Variants in MTUS2 observed in about 807,000 individuals in gnomAD.
MTUS2 encodes the protein microtubule associated scaffold protein 2.
MTUS2 carries 40 observed loss-of-function variants against 114.1 expected under a neutral mutation model. The observed-to-expected ratio is 0.35, with a 90% CI of 0.27 to 0.46. The LOEUF is 0.46. Among genes scored for constraint, MTUS2 ranks in the 20% least tolerant of loss-of-function variants. The probability of loss-of-function intolerance (pLI) is 1.00; values close to 1 mark genes in which losing one functional copy is unlikely to be tolerated. For synonymous variants in MTUS2, 688 were observed against 672.0 expected, an observed-to-expected ratio of 1.02 and a Z score of -0.37; for missense variants, 1,679 against 1,705.4, an observed-to-expected ratio of 0.98 and a Z score of 0.27.
chr13:28,825,585 A>C (rs914189897), intron 1 of MTUS2, among the ~76,000 whole-genome samples: 1 of 152,118 alleles, frequency 6.6e-6, no homozygotes, highest in Non-Finnish European at 1.5e-5. Flanking sequence ...ACACACACAC[A>C]CACACCCCTG....
At chr13:29,161,824 T>C (rs990696955) in intron 5 of MTUS2, among the ~76,000 whole-genome samples, 3 of 152,218 alleles carry the variant, frequency 2.0e-5, no homozygotes, top group African/African-American at 7.2e-5. Flanking sequence ...GTTTTCTGTG[T>C]GTGGCCTCCT....
chr13:28,926,877 A>G (rs1022396163), intron 2 of MTUS2, among the ~76,000 whole-genome samples: 1 of 152,214 alleles, frequency 6.6e-6, no homozygotes, highest in African/African-American at 2.4e-5. Context: ...CTGAAATAAT[A>G]ATAGTTAAAA....
At chr13:29,343,273 C>T (rs1313790439) in intron 7 of MTUS2, among the ~76,000 whole-genome samples, 1 of 151,980 alleles carries the variant, frequency 6.6e-6, no homozygotes, top group African/African-American at 2.4e-5. Flanking sequence ...CAACTGGGAA[C>T]TCATCTGGTC....
intron 6 of MTUS2, among the ~76,000 whole-genome samples, chr13:29,300,877 G>A (rs756815870): frequency 6.6e-5 from 10 of 152,008 alleles, no homozygotes; most frequent in East Asian, 5.8e-4. Context: ...AAGACTGAGC[G>A]GCTTATAAAC....
At position 29,281,873 on chromosome 13, in the gene MTUS2, T is replaced by G. The variant is rs1188982861; in HGVS notation, c.2806+8T>G. 6.3e-7 allele frequency: 1 copy of G among 1,577,240 alleles called. No homozygotes were observed. The highest frequency in any genetic ancestry group is 1.4e-5 in the African/African-American group (1 of 73,878). ...CCACTTCCACACCCGCTGGTAAGAC[T>G]TTGTGCCTTGGAGAGGCTCCATGGT... On this transcript the variant is annotated splice_region_variant and intron_variant, in intron 6 of 15. Transcript: ENST00000612955.
intron 5 of MTUS2, among the ~76,000 whole-genome samples, chr13:29,180,981 GA>G (rs960188375): frequency 1.1e-4 from 17 of 151,472 alleles, no homozygotes; most frequent in South Asian, 2.1e-4. Flanking sequence ...AGAATATCCT[GA>G]AAAAAAAATT....
intron 11 of MTUS2, among the ~76,000 whole-genome samples, chr13:29,490,534 TCTC>T (rs1171128608): frequency 3.3e-5 from 5 of 152,248 alleles, no homozygotes; most frequent in Non-Finnish European, 7.3e-5. Flanking sequence ...TTACATGACA[TCTC>T]TTTCTGCCTA....
chr13:28,928,508 A>G (rs746737335), intron 2 of MTUS2, among the ~76,000 whole-genome samples: 8 of 152,238 alleles, frequency 5.3e-5, no homozygotes, highest in African/African-American at 7.2e-5. Context: ...AAAATGCTCA[A>G]CATTACTAAT....
chr13:29,281,655 C>T (rs776534631), intron 5 of MTUS2, 49 bp from the exon 6 acceptor site: 13 of 1,528,170 alleles, frequency 8.5e-6, no homozygotes, highest in Non-Finnish European at 1.2e-5. Flanking sequence ...GTGAGGGCTC[C>T]ATCCATTTTT....
intron 5 of MTUS2, among the ~76,000 whole-genome samples, chr13:29,208,986 C>A (rs1159178847): frequency 1.3e-5 from 2 of 152,082 alleles, no homozygotes; most frequent in Non-Finnish European, 2.9e-5. Context: ...TGTTGACTTT[C>A]TGTCTTGATG....
At chr13:29,348,396 A>G (rs532743055) in intron 7 of MTUS2, among the ~76,000 whole-genome samples, 257 of 69,848 alleles carry the variant, frequency 3.7e-3, no homozygotes, top group African/African-American at 6.6e-3. Flanking sequence ...GAAGTTGGGG[A>G]CAGAGACCAA....
intron 8 of MTUS2, among the ~76,000 whole-genome samples, chr13:29,417,308 C>T (rs1392593238): frequency 6.6e-6 from 1 of 152,218 alleles, no homozygotes; most frequent in Non-Finnish European, 1.5e-5. Flanking sequence ...TCCCCATGAC[C>T]CATACACCTT....
At position 29,026,444 on chromosome 13, in the gene MTUS2, C is replaced by T. The variant is rs533807563; in HGVS notation, c.1746C>T (p.Asn582=). The change falls in exon 3 of 16, where the codon AAC becomes AAT. Residue 582 remains asparagine, a synonymous_variant. Transcript: ENST00000612955. ...CTACTGATAGTGCACGCTTGTTGAA[C>T]ACGTCCCCCAAAGTGCCTGACAAGA... ...PPPTDSARLL[N]TSPKVPDKNT... The T allele has an allele frequency of 1.2e-6, 2 of 1,613,968 alleles. No homozygotes were observed. The highest frequency in any genetic ancestry group is 1.1e-5 in the South Asian group (1 of 91,074).
In MTUS2 at chr13:29,281,854, C is replaced by T. The variant is rs752318066; in HGVS notation, c.2795C>T (p.Ser932Phe). 1.9e-6 allele frequency: 3 copies of T among 1,599,492 alleles called. No individual in the cohort carries two copies. Among genetic ancestry groups the T allele is most frequent in the Non-Finnish European group, 2.6e-6 (3 of 1,170,702 alleles). ...TTACTTCCAGCGCCAAAATCCACTT[C>T]CACACCCGCTGGTAAGACTTTGTGC... Reference protein sequence around the residue: ...RSLLPAPKSTSTPAGTKKDAQ... With the variant: ...RSLLPAPKSTFTPAGTKKDAQ... The change falls in exon 6 of 16, where the codon TCC (serine) becomes TTC (phenylalanine). Residue 932 changes from serine to phenylalanine, a missense_variant. Around this residue, in one of 3 missense-constraint regions of MTUS2, gnomAD observed 822 missense variants for 899.7 expected, o/e 0.91. Transcript: ENST00000612955.
chr13:29,288,184 T>C (rs1433725405), intron 6 of MTUS2, among the ~76,000 whole-genome samples: 1 of 152,186 alleles, frequency 6.6e-6, no homozygotes, highest in Non-Finnish European at 1.5e-5. Flanking sequence ...AAGTTTTAAG[T>C]TGGAGATTTC....
At chr13:29,441,109 G>A (rs948710044) in intron 9 of MTUS2, among the ~76,000 whole-genome samples, 7 of 152,244 alleles carry the variant, frequency 4.6e-5, no homozygotes, top group African/African-American at 1.7e-4. Context: ...ACAAATAACA[G>A]GCCCCTTCCC....
intron 8 of MTUS2, among the ~76,000 whole-genome samples, chr13:29,418,816 G>A (rs1875866217): frequency 6.6e-6 from 1 of 152,182 alleles, no homozygotes; most frequent in Non-Finnish European, 1.5e-5. Context: ...CTCCCCGTGT[G>A]GGTGGGTAGG....
chr13:29,034,431 A>G (rs1886969491), intron 4 of MTUS2, among the ~76,000 whole-genome samples: 1 of 152,184 alleles, frequency 6.6e-6, no homozygotes, highest in Non-Finnish European at 1.5e-5. Context: ...CAAAGAGTAA[A>G]TATTTTGGAG....
intron 5 of MTUS2, among the ~76,000 whole-genome samples, chr13:29,181,452 G>T (rs1031907130): frequency 6.6e-6 from 1 of 152,136 alleles, no homozygotes; most frequent in Admixed American, 6.5e-5. Flanking sequence ...CAAATAGATT[G>T]CAATTGCAGA....
Sources: gnomAD v4.1 joint callset for allele counts (sites outside exome capture counted in the v4.1 genomes callset) on GRCh38, gnomAD v4.1.1 for gene constraint, gnomAD v4.1.1 regional missense constraint, MANE v1.5 for transcripts, NCBI Gene and HGNC (gene_info 2026-07-23, HGNC 2026-07-21) for gene names.